The following DOCK1 variants were observed in gnomAD, a reference collection of about 807,000 sequenced individuals.
DOCK1 encodes the protein dedicator of cytokinesis protein 1.
A neutral mutation model predicts 262.7 loss-of-function variants in DOCK1; 138 were observed. The observed-to-expected ratio is 0.53, with a 90% confidence interval of 0.46 to 0.61. The LOEUF (loss-of-function observed/expected upper bound fraction) is 0.61. Ranked by LOEUF, DOCK1 falls within the 20% of genes least tolerant of loss-of-function variation. The pLI is 0.00. For synonymous variants in DOCK1, 866 were observed against 867.4 expected, an observed-to-expected ratio of 1.00 and a Z score of 0.03; for missense variants, 1,908 against 2,370.7, an observed-to-expected ratio of 0.80 and a Z score of 4.05.
intron 40 of DOCK1, among the ~76,000 whole-genome samples, chr10:127,407,174 A>G (rs889708781): frequency 6.6e-6 from 1 of 152,176 alleles, no homozygotes; most frequent in South Asian, 2.1e-4. Flanking sequence ...AGCTGGGGCA[A>G]GGGAAGGGGA....
intron 1 of DOCK1, among the ~76,000 whole-genome samples, chr10:126,969,274 G>A (rs1238082985): frequency 4.6e-5 from 7 of 152,212 alleles, no homozygotes; most frequent in African/African-American, 1.2e-4. Flanking sequence ...CCAGGGGCTC[G>A]GGGAGGGGTG....
Position 127,242,107 on chromosome 10 carries a change from G to T in DOCK1, c.2848-5901G>T, listed in dbSNP as rs568046213. Among the ~76,000 whole-genome samples, 27 of 152,234 alleles carry T rather than the reference G, an allele frequency of 1.8e-4. No homozygotes were observed. In the South Asian group the frequency reaches 5.6e-3, roughly 32 times the overall value. ...CTCATCACCCTCTTTCCTGCTTCCA[G>T]AATTCTCTTGTCTTTAGTTGCATCT... On this transcript the variant is annotated intron_variant, in intron 27 of 51. Coordinates refer to ENST00000623213, the MANE Select transcript of DOCK1 (RefSeq NM_001290223.2).
Position 127,175,686 on chromosome 10 carries a change from G to A in DOCK1, c.2847+47922G>A. The A allele has an allele frequency of 6.2e-7, 1 of 1,613,814 alleles. No individual in the cohort carries two copies. On this transcript the variant is annotated intron_variant, in intron 27 of 51. Coordinates refer to ENST00000623213, the MANE Select transcript of DOCK1 (RefSeq NM_001290223.2). This position sits in a 1 kb window ranked among gnomAD's most constrained non-coding sequence, Gnocchi z 6.3. The stretch of plus-strand genomic sequence containing the variant: ...GAGGGCAGGTGGAGCGGGCTCCTCG[G>A]AGTTTGGCCTCCCCCGGTCCTGCTT...
chr10:127,150,170 G>A (rs2052348089), intron 27 of DOCK1, among the ~76,000 whole-genome samples: 1 of 152,160 alleles, frequency 6.6e-6, no homozygotes, highest in Non-Finnish European at 1.5e-5. Context: ...CATGTACACT[G>A]CTACTGAGTC....
At chr10:127,097,891 G>A (rs1477739048) in intron 23 of DOCK1, among the ~76,000 whole-genome samples, 1 of 152,184 alleles carries the variant, frequency 6.6e-6, no homozygotes. Context: ...GGCCATAATG[G>A]TGTATTCGTA....
rs191289775 is a variant in DOCK1, at chr10:127,411,048, T to C, written c.4428+124T>C. The C allele has an allele frequency of 1.7e-3, 1,577 of 945,250 alleles. 12 individuals carry two copies. The highest frequency in any genetic ancestry group is 0.01 in the Middle Eastern group (42 of 4,014). The allele number at this position is 945,250 out of a possible 1,614,324, so 58.6% of individuals were successfully genotyped here. On this transcript the variant is annotated intron_variant, in intron 43 of 51. Coordinates refer to ENST00000623213, the MANE Select transcript of DOCK1 (RefSeq NM_001290223.2). Reference sequence around the variant, plus strand: ...GAGCCATATTAAATGTCTTTGTGTATTATGTGCAGAAATCTTAATCTATTA... The same window carrying C: ...GAGCCATATTAAATGTCTTTGTGTACTATGTGCAGAAATCTTAATCTATTA...
Position 127,282,909 on chromosome 10 carries a change from C to T in DOCK1, c.3044+25480C>T, listed in dbSNP as rs905363363. Among the ~76,000 whole-genome samples, 8 of 152,324 alleles carry T rather than the reference C, an allele frequency of 5.3e-5. No individual in the cohort carries two copies. The South Asian group carries it at 6.2e-4, about 12-fold the overall frequency. Reference sequence around the variant, plus strand: ...CTGCCAGAGGGGCAGCAGGGTCCTGCGTGTATCCTACCAACTGTGTTTCCA... The same window carrying T: ...CTGCCAGAGGGGCAGCAGGGTCCTGTGTGTATCCTACCAACTGTGTTTCCA... On this transcript the variant is annotated intron_variant, in intron 29 of 51. Transcript: ENST00000623213.
intron 1 of DOCK1, among the ~76,000 whole-genome samples, chr10:126,927,971 C>T (rs2033888595): frequency 6.6e-6 from 1 of 152,116 alleles, no homozygotes. Flanking sequence ...GGCACCTACC[C>T]AGGTGCCACC....
intron 27 of DOCK1, among the ~76,000 whole-genome samples, chr10:127,148,964 C>CA (rs2052194762): frequency 6.6e-6 from 1 of 152,110 alleles, no homozygotes; most frequent in South Asian, 2.1e-4. Context: ...TCAGAAAGAT[C>CA]ACGTTTGGTA....
intron 27 of DOCK1, among the ~76,000 whole-genome samples, chr10:127,228,733 C>T (rs2058730604): frequency 6.6e-6 from 1 of 152,326 alleles, no homozygotes; most frequent in African/African-American, 2.4e-5. Flanking sequence ...TGTGGAAAAT[C>T]ACACACATTC....
intron 27 of DOCK1, among the ~76,000 whole-genome samples, chr10:127,162,225 C>T (rs2053650579): frequency 6.6e-6 from 1 of 152,170 alleles, no homozygotes; most frequent in Non-Finnish European, 1.5e-5. Flanking sequence ...ACTTCTTTTT[C>T]AGACACCCGT....
chr10:127,076,126 C>G (rs61268859), intron 23 of DOCK1, among the ~76,000 whole-genome samples: 18 of 152,238 alleles, frequency 1.2e-4, no homozygotes, highest in African/African-American at 4.3e-4. Flanking sequence ...AAATCAGCAT[C>G]CAAGGAGTTG....
chr10:127,093,768 C>T (rs2047732593), intron 23 of DOCK1, among the ~76,000 whole-genome samples: 1 of 151,980 alleles, frequency 6.6e-6, no homozygotes, highest in African/African-American at 2.4e-5. Flanking sequence ...TCACAGGCAC[C>T]AGAATGTCCT....
intron 46 of DOCK1, among the ~76,000 whole-genome samples, chr10:127,420,233 A>C (rs1297687371): frequency 6.6e-6 from 1 of 152,124 alleles, no homozygotes; most frequent in Non-Finnish European, 1.5e-5. Flanking sequence ...AAGTTGTGCA[A>C]GTTATTTCAC....
chr10:126,997,234 A>G (rs965689196), intron 7 of DOCK1, among the ~76,000 whole-genome samples: 6 of 152,332 alleles, frequency 3.9e-5, no homozygotes, highest in African/African-American at 7.2e-5. Context: ...CAGAGAGTAC[A>G]TGTCTTATTG....
At chr10:127,153,095 A>C (rs2052669288) in intron 27 of DOCK1, among the ~76,000 whole-genome samples, 2 of 152,320 alleles carry the variant, frequency 1.3e-5, no homozygotes, top group Admixed American at 1.3e-4. Context: ...TGGATCACTA[A>C]AATTATTCTC....
At chr10:126,932,913 C>A in intron 1 of DOCK1, among the ~76,000 whole-genome samples, 1 of 152,306 alleles carries the variant, frequency 6.6e-6, no homozygotes, top group Non-Finnish European at 1.5e-5. Context: ...TCCTGGCCAA[C>A]TCCTCCCCTC....
intron 27 of DOCK1, among the ~76,000 whole-genome samples, chr10:127,143,311 A>T (rs1332942437): frequency 1.3e-5 from 2 of 152,178 alleles, no homozygotes; most frequent in Admixed American, 1.3e-4. Context: ...CGACAGGGCC[A>T]TGTGGCTCGG....
intron 23 of DOCK1, among the ~76,000 whole-genome samples, chr10:127,074,169 T>G (rs1226305748): frequency 2.0e-5 from 3 of 152,230 alleles, no homozygotes; most frequent in Non-Finnish European, 4.4e-5. Context: ...TATGATAGAA[T>G]AAATTACTTT....
Sources: allele counts gnomAD v4.1 joint callset (sites outside exome capture counted in the v4.1 genomes callset), GRCh38; gene constraint gnomAD v4.1.1; non-coding constraint Gnocchi (gnomAD v3.1); transcripts MANE v1.5; gene names NCBI Gene and HGNC (gene_info 2026-07-23, HGNC 2026-07-21).